The following PCDHGB1 variants were observed in gnomAD, a reference collection of about 807,000 sequenced individuals.
PCDHGB1 encodes the protein protocadherin gamma subfamily B, 1, also known as protocadherin gamma-B1.
In PCDHGB1, 34 loss-of-function variants were observed where a neutral mutation model predicts 56.6. That is an observed-to-expected ratio of 0.60 (90% CI 0.46 to 0.80). PCDHGB1 has a LOEUF of 0.80. Ranked by LOEUF, PCDHGB1 falls within the 30% of genes least tolerant of loss-of-function variation. PCDHGB1 has a pLI of 0.00. For synonymous variants in PCDHGB1, 561 were observed against 505.9 expected, an observed-to-expected ratio of 1.11 and a Z score of -1.46; for missense variants, 1,278 against 1,204.6, an observed-to-expected ratio of 1.06 and a Z score of -0.90.
chr5:141,403,069 A>T (rs747569947), intron 1 of PCDHGB1: 10 of 1,613,954 alleles, frequency 6.2e-6, no homozygotes, highest in Non-Finnish European at 7.6e-6. Context: ...CTGAAGAGAC[A>T]GAAAAGGGCT....
chr5:141,427,892 C>G (rs752723370), intron 1 of PCDHGB1: 2 of 1,567,044 alleles, frequency 1.3e-6, no homozygotes, highest in African/African-American at 2.7e-5. Context: ...ACGACCAGGG[C>G]TCGCCCGCGC....
intron 1 of PCDHGB1, chr5:141,375,707 C>T (rs1483627086): frequency 1.1e-5 from 17 of 1,614,146 alleles, no homozygotes; most frequent in Non-Finnish European, 1.3e-5. Context: ...GGACCCGCCT[C>T]TTAGCAGCAA....
chr5:141,491,876 A>G lies in PCDHGB1; in HGVS notation c.2410-2931A>G. ...TTGCGCGAAACCAGAGTGGCCGATT[A>G]AGGGATGGGGCTCCGAGCACCGGGG... On this transcript the variant is annotated intron_variant, in intron 1 of 3. Coordinates refer to ENST00000523390, the MANE Select transcript of PCDHGB1 (RefSeq NM_018922.3). The surrounding 1 kb of genome is among the most constrained non-coding windows in gnomAD (Gnocchi z 6.9). 2.1e-6 allele frequency: 3 copies of G among 1,450,326 alleles called. No individual in the cohort carries two copies. Among genetic ancestry groups the G allele is most frequent in the Non-Finnish European group, 1.8e-6 (2 of 1,097,472 alleles). 89.8% of individuals were successfully genotyped at this position (1,450,326 alleles called of 1,614,324 possible).
At chr5:141,383,051 A>T in intron 1 of PCDHGB1, 2 of 1,613,872 alleles carry the variant, frequency 1.2e-6, no homozygotes, top group Non-Finnish European at 1.7e-6. Context: ...ATCGCCAAGG[A>T]CCTGGGGCTG....
intron 1 of PCDHGB1, chr5:141,355,288 C>A (rs73265823): frequency 6.2e-7 from 1 of 1,613,718 alleles, no homozygotes; most frequent in African/African-American, 1.3e-5. Flanking sequence ...CAGGGCCGAA[C>A]AGATTCTCTA....
chr5:141,492,846 A>G (rs1404624093), intron 1 of PCDHGB1, among the ~76,000 whole-genome samples: 1 of 152,184 alleles, frequency 6.6e-6, no homozygotes, highest in African/African-American at 2.4e-5. Flanking sequence ...AGGAAGTGAA[A>G]GCCTCGAGCG....
Position 141,352,298 on chromosome 5 carries a change from C to T in PCDHGB1, c.2038C>T (p.Pro680Ser), listed in dbSNP as rs1414135907. 6.2e-6 allele frequency: 10 copies of T among 1,613,954 alleles called. No individual in the cohort carries two copies. The South Asian group carries it at 1.1e-4, about 18-fold the overall frequency. ...CAGCGACCGCCCTGAGCCCTCTGAC[C>T]CCCAGACGGAACTGCAGTTTTACCT... ...DLSDRPEPSDPQTELQFYLVV... is the reference protein window; with the variant it reads ...DLSDRPEPSDSQTELQFYLVV... Residue 680 changes from proline (P) to serine (S), a missense_variant, in exon 1 of 4, where the codon CCC becomes TCC. Pro to Ser is a moderately conservative substitution (Grantham distance 74). Transcript: ENST00000523390.
chr5:141,501,831 C>G (rs1246452764), intron 2 of PCDHGB1, among the ~76,000 whole-genome samples: 1 of 152,176 alleles, frequency 6.6e-6, no homozygotes, highest in African/African-American at 2.4e-5. Context: ...GCCCACCCAC[C>G]TGTTTGGCCC....
intron 1 of PCDHGB1, among the ~76,000 whole-genome samples, chr5:141,464,504 T>A (rs1264652523): frequency 6.6e-6 from 1 of 152,046 alleles, no homozygotes; most frequent in Non-Finnish European, 1.5e-5. Context: ...GATTGCTGCA[T>A]CATAAGGTAA....
intron 1 of PCDHGB1, among the ~76,000 whole-genome samples, chr5:141,454,980 T>A (rs1049733405): frequency 9.3e-5 from 14 of 151,310 alleles, no homozygotes; most frequent in African/African-American, 2.4e-4. Context: ...GCTAATTTTT[T>A]AAAAAATATT....
intron 1 of PCDHGB1, chr5:141,392,972 G>C (rs2092640426): frequency 6.2e-7 from 1 of 1,613,802 alleles, no homozygotes; most frequent in African/African-American, 1.3e-5. Context: ...AGGACCTGGG[G>C]CTGGACCCCC....
chr5:141,410,462 CTG>C (rs1258642453), intron 1 of PCDHGB1: 1 of 1,613,924 alleles, frequency 6.2e-7, no homozygotes, highest in East Asian at 2.2e-5. Context: ...TTCTTATAAT[CTG>C]TGCATTGCAC....
At chr5:141,441,791 C>T in intron 1 of PCDHGB1, 1 of 390,714 alleles carries the variant, frequency 2.6e-6, no homozygotes, top group Non-Finnish European at 5.1e-6. Flanking sequence ...TGAATGACAA[C>T]GCACCGCGGG....
rs1173991946 is a variant in PCDHGB1 at position 141,351,550 on chromosome 5, C to A, written c.1290C>A (p.Ser430=). 3 of 1,613,940 alleles carry A rather than the reference C, an allele frequency of 1.9e-6. No homozygotes were observed. The highest frequency in any genetic ancestry group is 2.5e-6 in the Non-Finnish European group (3 of 1,179,918). ...ACAAGGGCAAACCAGCCCTTTCCTC[C>A]AGGACAAGCATCACCCTGCACATCT... ...ATDKGKPALS[S]RTSITLHISD... The change falls in exon 1 of 4, where the codon TCC becomes TCA. Residue 430 remains serine (S), a synonymous_variant. Transcript: ENST00000523390.
chr5:141,397,992 C>T (rs1449951628), intron 1 of PCDHGB1: 3 of 1,349,734 alleles, frequency 2.2e-6, no homozygotes, highest in Non-Finnish European at 3.0e-6. Context: ...ACACCGCTTC[C>T]TCCTCGGAAA....
chr5:141,479,801 G>A (rs2099507037), intron 1 of PCDHGB1, among the ~76,000 whole-genome samples: 1 of 152,118 alleles, frequency 6.6e-6, no homozygotes, highest in Non-Finnish European at 1.5e-5. Flanking sequence ...AATTCAGGGT[G>A]GTATGCAAGG....
chr5:141,384,797 T>C (rs766396351), intron 1 of PCDHGB1: 13 of 1,613,368 alleles, frequency 8.1e-6, no homozygotes, highest in Non-Finnish European at 1.1e-5. Context: ...CGGGCCCTGC[T>C]GGACAGAGAT....
In PCDHGB1 at chr5:141,395,432, G is replaced by A. The variant is rs963118371; in HGVS notation, c.2409+42763G>A. ...GTTATTGTTTCATTTGCTTTTAAAC[G>A]ACTTGGAAAAGATTGTTCAACCATT... On this transcript the variant is annotated intron_variant, in intron 1 of 3. Coordinates refer to ENST00000523390, the MANE Select transcript of PCDHGB1 (RefSeq NM_018922.3). The A allele has an allele frequency of 8.6e-6, 6 of 701,470 alleles. No homozygotes were observed. In the African/African-American group the frequency reaches 9.1e-5, roughly 11 times the overall value. The allele number at this position is 701,470 out of a possible 1,614,324, so 43.5% of individuals were successfully genotyped here. A position where few individuals can be genotyped will look rare whatever the true frequency, so the allele number is the denominator to read the frequency against.
rs763840734 is a variant in PCDHGB1, at chr5:141,428,113, T to C, written c.2410-66694T>C. The stretch of plus-strand genomic sequence containing the variant: ...CTGTCCTACCACGTGCTGCAGGCCA[T>C]CGAGCCCGGGCTTTTCAGCCTGGGG... On this transcript the variant is annotated intron_variant, in intron 1 of 3. Transcript: ENST00000523390. 1.0e-5 allele frequency: 16 copies of C among 1,607,374 alleles called. No homozygotes were observed. In the African/African-American group the frequency reaches 1.9e-4, roughly 19 times the overall value.
Sources: gnomAD v4.1 joint callset for allele counts (sites outside exome capture counted in the v4.1 genomes callset) on GRCh38, gnomAD v4.1.1 for gene constraint, Gnocchi (gnomAD v3.1) non-coding constraint, MANE v1.5 for transcripts, NCBI Gene and HGNC (gene_info 2026-07-23, HGNC 2026-07-21) for gene names.